Variants in SCFD2 observed in about 807,000 individuals in gnomAD.
SCFD2 encodes the protein sec1 family domain-containing protein 2.
Under a neutral mutation model 58.9 loss-of-function variants are expected in SCFD2, and 54 were observed. That is an observed-to-expected ratio of 0.92 (90% CI 0.74 to 1.15). The LOEUF (loss-of-function observed/expected upper bound fraction) is 1.15. SCFD2 is among the 50% of genes most tolerant of loss of function. The pLI is 0.00. For missense variants in SCFD2, 805 were observed against 836.6 expected (o/e 0.96, Z 0.47); for synonymous variants, 321 against 335.9 (o/e 0.96, Z 0.49).
intron 5 of SCFD2, among the ~76,000 whole-genome samples, chr4:53,084,851 A>ACCTTAAAAAACT (rs1724259871): frequency 6.6e-6 from 1 of 152,242 alleles, no homozygotes. Flanking sequence ...CTTCATGATA[A>ACCTTAAAAAACT]GATACCTTAA....
intron 2 of SCFD2, among the ~76,000 whole-genome samples, chr4:53,316,399 C>G (rs1732863824): frequency 6.6e-6 from 1 of 152,114 alleles, no homozygotes; most frequent in Admixed American, 6.5e-5. Context: ...TTAATGCTCT[C>G]TTTTTGGTAT....
intron 3 of SCFD2, among the ~76,000 whole-genome samples, chr4:53,290,768 CAT>C (rs1731814147): frequency 6.6e-6 from 1 of 151,958 alleles, no homozygotes; most frequent in African/African-American, 2.4e-5. Context: ...AAAGTAGAGA[CAT>C]TACTACAGAC....
chr4:53,361,805 G>GT (rs1164593783), intron 1 of SCFD2, among the ~76,000 whole-genome samples: 1 of 152,116 alleles, frequency 6.6e-6, no homozygotes, highest in African/African-American at 2.4e-5. Context: ...AGTGTGCATC[G>GT]TTTTTTCTGC....
chr4:52,969,164 A>C lies in SCFD2; in HGVS notation c.1562-48294T>G, dbSNP rs149725492. 3.4e-3 allele frequency among the ~76,000 whole-genome samples: 511 copies of C among 152,056 alleles called. 2 individuals carry two copies. Among genetic ancestry groups the C allele is most frequent in the African/African-American group, 0.012 (489 of 41,478 alleles). On this transcript the variant is annotated intron_variant, in intron 5 of 8. Transcript: ENST00000401642. ...AGTAATTTTCCATCCACTGACTCCC[A>C]CACTCTTCCTTGGCTATAAATTCCC...
chr4:53,320,093 T>G (rs1329609408), intron 2 of SCFD2, among the ~76,000 whole-genome samples: 2 of 152,166 alleles, frequency 1.3e-5, no homozygotes, highest in African/African-American at 4.8e-5. Flanking sequence ...AACAACAACC[T>G]TTCAGGATAA....
At chr4:53,292,057 C>CAAAATTAT (rs1731858863) in intron 3 of SCFD2, among the ~76,000 whole-genome samples, 1 of 150,414 alleles carries the variant, frequency 6.6e-6, no homozygotes, top group African/African-American at 2.4e-5. Context: ...ATGTAAAACC[C>CAAAATTAT]AAAACTATAA....
At chr4:53,227,008 G>A (rs1424367097) in intron 4 of SCFD2, among the ~76,000 whole-genome samples, 1 of 152,188 alleles carries the variant, frequency 6.6e-6, no homozygotes, top group Admixed American at 6.5e-5. Context: ...TGTTGAGGAT[G>A]TCCTGGACCT....
At chr4:53,168,165 T>C (rs1283131195) in intron 4 of SCFD2, among the ~76,000 whole-genome samples, 5 of 152,338 alleles carry the variant, frequency 3.3e-5, no homozygotes, top group Non-Finnish European at 7.3e-5. Context: ...TTGGGGAAAC[T>C]ACTGGCTTCC....
intron 5 of SCFD2, among the ~76,000 whole-genome samples, chr4:53,129,058 A>C (rs1178140776): frequency 6.6e-6 from 1 of 152,250 alleles, no homozygotes; most frequent in African/African-American, 2.4e-5. Context: ...TTGGCTTTAA[A>C]AAAGCTTCAA....
intron 5 of SCFD2, among the ~76,000 whole-genome samples, chr4:52,926,430 A>G (rs1302104631): frequency 3.9e-5 from 6 of 152,068 alleles, no homozygotes; most frequent in African/African-American, 1.4e-4. Context: ...ACACATATGC[A>G]TTTATGCAGG....
In SCFD2 at chr4:53,323,530, A is replaced by ATTTTTTTTTT. The variant is rs1201482656; in HGVS notation, c.1008-9777_1008-9768dup. On this transcript the variant is annotated intron_variant, in intron 2 of 8. Coordinates refer to ENST00000401642, the MANE Select transcript of SCFD2 (RefSeq NM_152540.4). The stretch of plus-strand genomic sequence containing the variant: ...AGGTGCATGCCACCATGCCCAGCTA[A>ATTTTTTTTTT]TTTTTTTTTTTTTTTTTTTTTTTTT... 2.8e-5 allele frequency among the ~76,000 whole-genome samples: 3 copies of ATTTTTTTTTT among 106,764 alleles called. No individual in the cohort carries two copies. In the Admixed American group the frequency reaches 3.2e-4, roughly 11 times the overall value. 70.0% of individuals were successfully genotyped at this position (106,764 alleles called of 152,430 possible). A position where few individuals can be genotyped will look rare whatever the true frequency, so the allele number is the denominator to read the frequency against.
intron 5 of SCFD2, among the ~76,000 whole-genome samples, chr4:53,008,195 C>G (rs2148805244): frequency 6.6e-6 from 1 of 152,306 alleles, no homozygotes; most frequent in East Asian, 1.9e-4. Flanking sequence ...CACTAGAATA[C>G]AGAGAAAACA....
chr4:53,313,878 C>T lies in SCFD2; in HGVS notation c.1008-115G>A, dbSNP rs944710070. The T allele has an allele frequency of 4.9e-6, 4 of 821,068 alleles. No homozygotes were observed. In the Admixed American group the frequency reaches 9.8e-5, roughly 20 times the overall value. 50.9% of individuals were successfully genotyped at this position (821,068 alleles called of 1,614,324 possible). A position where few individuals can be genotyped will look rare whatever the true frequency, so the allele number is the denominator to read the frequency against. ...TTGAGCATTAATGTAGTCTTTCCTA[C>T]TGATAGACTCTAAGTATTAGGATTA... is the stretch of plus-strand genomic sequence containing the variant. On this transcript the variant is annotated intron_variant, in intron 2 of 8. Transcript: ENST00000401642.
At chr4:53,222,520 T>G (rs949310594) in intron 4 of SCFD2, among the ~76,000 whole-genome samples, 3 of 152,238 alleles carry the variant, frequency 2.0e-5, no homozygotes, top group Non-Finnish European at 2.9e-5. Flanking sequence ...TTTGAAATTT[T>G]TATTGGTTTA....
At chr4:53,093,754 GA>G (rs35879527) in intron 5 of SCFD2, among the ~76,000 whole-genome samples, 94,709 of 151,700 alleles carry the variant, frequency 0.62, 30,075 homozygotes, top group African/African-American at 0.75. Context: ...AAAGGTAATA[GA>G]AAAAAAATAT....
intron 4 of SCFD2, among the ~76,000 whole-genome samples, chr4:53,251,438 A>G (rs1730375725): frequency 6.6e-6 from 1 of 152,182 alleles, no homozygotes; most frequent in Non-Finnish European, 1.5e-5. Context: ...AAAAAAAGAG[A>G]ATTTTAGACC....
chr4:53,255,845 A>G (rs1402208439), intron 4 of SCFD2, among the ~76,000 whole-genome samples: 2 of 146,834 alleles, frequency 1.4e-5, no homozygotes, highest in African/African-American at 5.0e-5. Context: ...CGGGGGGCTG[A>G]CCCCCCCACC....
intron 4 of SCFD2, among the ~76,000 whole-genome samples, chr4:53,214,297 C>T (rs1413528309): frequency 2.0e-5 from 3 of 151,744 alleles, no homozygotes; most frequent in African/African-American, 4.9e-5. Flanking sequence ...TGCTATTTCT[C>T]CACATCCTCC....
At chr4:53,182,510 G>A (rs75118330) in intron 4 of SCFD2, among the ~76,000 whole-genome samples, 28,833 of 152,108 alleles carry the variant, frequency 0.19, 3,476 homozygotes, top group Non-Finnish European at 0.28. Flanking sequence ...ATTCAAGATG[G>A]ATTAAAGACT....
Sources: allele counts gnomAD v4.1 joint callset (sites outside exome capture counted in the v4.1 genomes callset), GRCh38; gene constraint gnomAD v4.1.1; transcripts MANE v1.5; gene names NCBI Gene and HGNC (gene_info 2026-07-23, HGNC 2026-07-21).